The following GBA1 variants were observed in gnomAD, a reference collection of about 807,000 sequenced individuals.
GBA1 encodes glucosylceramidase beta 1, also known as lysosomal acid glucosylceramidase.
At chr1:155,238,995 G>A in the GBA1 span, 93 of 357,792 alleles carry the variant, frequency 2.6e-4, no homozygotes, top group African/African-American at 1.7e-3. Context: ...GATGTGGGCA[G>A]ATCACGAGGT....
chr1:155,237,567 G>C, the GBA1 span: 1 of 1,613,652 alleles, frequency 6.2e-7, no homozygotes, highest in Non-Finnish European at 8.5e-7. Flanking sequence ...CTCAGCATAG[G>C]CATCCAGGAA....
At chr1:155,236,302 C>T in the GBA1 span, 1 of 1,614,098 alleles carries the variant, frequency 6.2e-7, no homozygotes, top group African/African-American at 1.3e-5. Flanking sequence ...GCCGCACACT[C>T]TGCTCCCAGA....
chr1:155,243,171 T>C, the GBA1 span, among the ~76,000 whole-genome samples: 1 of 152,224 alleles, frequency 6.6e-6, no homozygotes, highest in African/African-American at 2.4e-5. Context: ...TCCTCGTAGA[T>C]AGCCTGGCAC....
chr1:155,238,086 G>A, the GBA1 span: 6 of 1,590,570 alleles, frequency 3.8e-6, no homozygotes, highest in Non-Finnish European at 5.2e-6. Flanking sequence ...GATCAGCATG[G>A]CTAAATGGGA....
At chr1:155,240,809 A>G in the GBA1 span, 2 of 1,123,936 alleles carry the variant, frequency 1.8e-6, no homozygotes, top group East Asian at 4.7e-5. Flanking sequence ...TTGGGTGCCC[A>G]TGGCCCGGTC....
the GBA1 span, among the ~76,000 whole-genome samples, chr1:155,242,425 G>A: frequency 8.5e-4 from 129 of 152,112 alleles, no homozygotes; most frequent in Non-Finnish European, 1.3e-3. Context: ...GTTTCACTAT[G>A]TTGGCCAGGC....
chr1:155,236,542 T>A, the GBA1 span: 1 of 1,263,358 alleles, frequency 7.9e-7, no homozygotes, highest in South Asian at 1.2e-5. Flanking sequence ...GTTGTAGGAA[T>A]CCTGGAGTTG....
chr1:155,238,767 C>T, the GBA1 span: 10 of 1,585,240 alleles, frequency 6.3e-6, no homozygotes, highest in Admixed American at 1.7e-5. Flanking sequence ...AACTTGGGCT[C>T]CTGGGTTGGA....
At chr1:155,241,367 A>G in the GBA1 span, 1 of 591,500 alleles carries the variant, frequency 1.7e-6, no homozygotes, top group South Asian at 2.1e-5. Flanking sequence ...GTTACAGATT[A>G]TATGCCCTAT....
At chr1:155,242,371 C>A in the GBA1 span, among the ~76,000 whole-genome samples, 1 of 152,096 alleles carries the variant, frequency 6.6e-6, no homozygotes, top group Admixed American at 6.6e-5. Context: ...TACAGGTGCC[C>A]TCCAACATGC....
the GBA1 span, among the ~76,000 whole-genome samples, chr1:155,242,540 C>T: frequency 4.0e-5 from 6 of 151,856 alleles, no homozygotes; most frequent in East Asian, 5.8e-4. Flanking sequence ...CCTTTTTGTT[C>T]TTTAAATGAT....
chr1:155,235,274 C>G, the GBA1 span: 12 of 1,613,874 alleles, frequency 7.4e-6, no homozygotes, highest in Non-Finnish European at 1.0e-5. Context: ...TGACTGGCAA[C>G]CAGCCCCACT....
At chr1:155,242,184 G>A in the GBA1 span, among the ~76,000 whole-genome samples, 1 of 152,150 alleles carries the variant, frequency 6.6e-6, no homozygotes, top group African/African-American at 2.4e-5. Context: ...TGACCACTTG[G>A]TAGGCACCTG....
chr1:155,239,521 C>T, the GBA1 span: 1 of 1,340,278 alleles, frequency 7.5e-7, no homozygotes, highest in Non-Finnish European at 1.0e-6. Context: ...ACAGAATGGG[C>T]AGAGTGAGAT....
At chr1:155,240,468 GA>G in the GBA1 span, among the ~76,000 whole-genome samples, 12 of 151,366 alleles carry the variant, frequency 7.9e-5, no homozygotes, top group East Asian at 5.8e-4. Context: ...TGTTTCAAAA[GA>G]AAAAAAACAA....
At chr1:155,236,823 A>G in the GBA1 span, among the ~76,000 whole-genome samples, 4 of 151,908 alleles carry the variant, frequency 2.6e-5, no homozygotes, top group East Asian at 1.9e-4. Flanking sequence ...ATATATGTAT[A>G]TACACATACA....
the GBA1 span, chr1:155,238,269 C>T: frequency 4.0e-5 from 64 of 1,605,512 alleles, no homozygotes; most frequent in South Asian, 1.4e-4. Flanking sequence ...TGAAACGGGA[C>T]GCTGGGCCAA....
chr1:155,236,388 C>T, the GBA1 span: 3 of 1,614,198 alleles, frequency 1.9e-6, no homozygotes, highest in Admixed American at 5.0e-5. Context: ...CCTAGGGTGG[C>T]TTTGGCTGGA....
chr1:155,240,170 T>C, the GBA1 span: 1 of 1,255,080 alleles, frequency 8.0e-7, no homozygotes, highest in East Asian at 2.4e-5. Context: ...GTTTCAAAAT[T>C]CCTCACCCCT....
Sources: gnomAD v4.1 joint callset for allele counts (sites outside exome capture counted in the v4.1 genomes callset) on GRCh38, gnomAD v4.1.1 for gene constraint, MANE v1.5 for transcripts, NCBI Gene and HGNC (gene_info 2026-07-23, HGNC 2026-07-21) for gene names.